The following ARMC3 variants were observed in gnomAD, a reference collection of about 807,000 sequenced individuals.
ARMC3 encodes the protein armadillo repeat-containing protein 3.
ARMC3 carries 74 observed loss-of-function variants against 90.3 expected under a neutral mutation model. That is an observed-to-expected ratio of 0.82 (90% CI 0.68 to 0.99). The LOEUF (loss-of-function observed/expected upper bound fraction) is 0.99. Among genes scored for constraint, ARMC3 ranks in the 50% least tolerant of loss-of-function variants. The probability of loss-of-function intolerance (pLI) is 0.00; values close to 1 mark genes in which losing one functional copy is unlikely to be tolerated. For missense variants in ARMC3, 958 were observed against 1,042.8 expected (o/e 0.92, Z 1.12); for synonymous variants, 334 against 361.8 (o/e 0.92, Z 0.87).
chr10:23,013,203 CA>C (rs1838102546), intron 16 of ARMC3, among the ~76,000 whole-genome samples: 1 of 150,764 alleles, frequency 6.6e-6, no homozygotes, highest in Non-Finnish European at 1.5e-5. Flanking sequence ...CCAGCCACTA[CA>C]CACCTTTTTA....
At chr10:22,937,999 A>G (rs574621946) in intron 2 of ARMC3, among the ~76,000 whole-genome samples, 1 of 152,348 alleles carries the variant, frequency 6.6e-6, no homozygotes, top group African/African-American at 2.4e-5. Flanking sequence ...AAGGCAGCTT[A>G]TATTATAGTG....
intron 16 of ARMC3, among the ~76,000 whole-genome samples, chr10:23,023,189 C>T (rs76110554): frequency 0.03 from 4,529 of 152,134 alleles, 230 homozygotes; most frequent in African/African-American, 0.1. Context: ...AGTCCCAGAA[C>T]GGGGAAACCC....
At chr10:23,012,705 C>G (rs899092258) in intron 16 of ARMC3, among the ~76,000 whole-genome samples, 1 of 152,116 alleles carries the variant, frequency 6.6e-6, no homozygotes, top group African/African-American at 2.4e-5. Flanking sequence ...GTCCTATCCA[C>G]TCTATGTCTT....
intron 8 of ARMC3, among the ~76,000 whole-genome samples, chr10:22,972,337 A>G (rs1835715263): frequency 6.6e-6 from 1 of 152,086 alleles, no homozygotes; most frequent in African/African-American, 2.4e-5. Context: ...GTCTTGATCC[A>G]TTTTGAGTTT....
intron 9 of ARMC3, 44 bp from the exon 10 acceptor site, chr10:22,981,551 A>G (rs779130741): frequency 1.2e-6 from 2 of 1,613,272 alleles, no homozygotes; most frequent in East Asian, 2.2e-5. Context: ...TTTAGTGCAC[A>G]TGGGCATTTT....
chr10:23,016,872 A>G (rs1838297889), intron 16 of ARMC3, among the ~76,000 whole-genome samples: 1 of 152,160 alleles, frequency 6.6e-6, no homozygotes, highest in South Asian at 2.1e-4. Flanking sequence ...TCTGTTTTGT[A>G]GGTAACTCTG....
chr10:23,025,708 C>T (rs939343801), intron 16 of ARMC3, among the ~76,000 whole-genome samples: 1 of 151,920 alleles, frequency 6.6e-6, no homozygotes, highest in Non-Finnish European at 1.5e-5. Context: ...GAGCAAAACA[C>T]TCCCAACACA....
intron 16 of ARMC3, among the ~76,000 whole-genome samples, chr10:23,010,112 C>T (rs1837852156): frequency 1.3e-5 from 2 of 151,842 alleles, no homozygotes; most frequent in African/African-American, 4.8e-5. Context: ...AGTCCCATAG[C>T]TTCTGCTTGC....
chr10:23,033,679 G>A (rs1455141961), intron 18 of ARMC3, among the ~76,000 whole-genome samples: 1 of 152,104 alleles, frequency 6.6e-6, no homozygotes, highest in Non-Finnish European at 1.5e-5. Context: ...TTTCAAGAGG[G>A]TAACATCATT....
intron 16 of ARMC3, among the ~76,000 whole-genome samples, chr10:23,020,910 T>C (rs1005307120): frequency 1.3e-5 from 2 of 152,178 alleles, no homozygotes; most frequent in Admixed American, 6.5e-5. Flanking sequence ...ACCCAGGTAG[T>C]GAGCCCAATA....
At chr10:22,949,367 A>T (rs1478297705) in intron 3 of ARMC3, among the ~76,000 whole-genome samples, 1 of 152,246 alleles carries the variant, frequency 6.6e-6, no homozygotes, top group Admixed American at 6.5e-5. Context: ...ACATTAAAAG[A>T]TTAATTACAA....
chr10:23,027,606 T>C (rs1356977615), intron 16 of ARMC3, among the ~76,000 whole-genome samples: 2 of 152,226 alleles, frequency 1.3e-5, no homozygotes, highest in African/African-American at 4.8e-5. Context: ...TTGATTTTGA[T>C]GTATCTGAGA....
intron 7 of ARMC3, among the ~76,000 whole-genome samples, chr10:22,963,515 C>T (rs1835293481): frequency 1.3e-5 from 2 of 152,054 alleles, no homozygotes; most frequent in South Asian, 4.2e-4. Context: ...CAGGTGTCTG[C>T]TCCCATAATT....
intron 16 of ARMC3, among the ~76,000 whole-genome samples, chr10:23,030,300 T>G (rs1215616230): frequency 2.6e-5 from 4 of 152,220 alleles, no homozygotes; most frequent in African/African-American, 9.6e-5. Flanking sequence ...CACAGTCAGC[T>G]CTGTGGAACC....
intron 3 of ARMC3, among the ~76,000 whole-genome samples, chr10:22,948,308 A>G (rs1357995350): frequency 2.0e-5 from 3 of 152,208 alleles, no homozygotes; most frequent in Non-Finnish European, 2.9e-5. Context: ...TTACGGAGTC[A>G]TTATACATCA....
chr10:22,942,199 T>C (rs1193902353), intron 2 of ARMC3, among the ~76,000 whole-genome samples: 1 of 152,132 alleles, frequency 6.6e-6, no homozygotes, highest in Non-Finnish European at 1.5e-5. Flanking sequence ...CCAAATGCAA[T>C]TGAAGAATCT....
At chr10:23,004,105 C>T (rs1837460432) in intron 13 of ARMC3, among the ~76,000 whole-genome samples, 1 of 151,976 alleles carries the variant, frequency 6.6e-6, no homozygotes. Flanking sequence ...GCTATGATCA[C>T]ACCACTGCCC....
chr10:22,928,851 G>T (rs1055892714), intron 1 of ARMC3, among the ~76,000 whole-genome samples: 1 of 152,210 alleles, frequency 6.6e-6, no homozygotes, highest in Non-Finnish European at 1.5e-5. Flanking sequence ...GTTAATATAA[G>T]AATTTAGTAG....
intron 2 of ARMC3, among the ~76,000 whole-genome samples, chr10:22,940,948 A>G (rs1475927486): frequency 6.6e-6 from 1 of 152,236 alleles, no homozygotes; most frequent in Non-Finnish European, 1.5e-5. Context: ...GAAACAACCC[A>G]GAGGTCTATC....
Sources: gnomAD v4.1 joint callset for allele counts (sites outside exome capture counted in the v4.1 genomes callset) on GRCh38, gnomAD v4.1.1 for gene constraint, MANE v1.5 for transcripts, NCBI Gene and HGNC (gene_info 2026-07-23, HGNC 2026-07-21) for gene names.